The following SLC39A11 variants were observed in gnomAD, a reference collection of about 807,000 sequenced individuals.
The protein encoded by SLC39A11 is solute carrier family 39 member 11.
SLC39A11 carries 33 observed loss-of-function variants against 36.1 expected under a neutral mutation model. That is an observed-to-expected ratio of 0.91 (90% CI 0.69 to 1.22). The LOEUF is 1.22. Ranked by LOEUF, SLC39A11 falls within the 50% of genes most tolerant of loss-of-function variation. The pLI is 0.00. For missense variants in SLC39A11, 432 were observed against 430.3 expected (o/e 1.00, Z -0.03); for synonymous variants, 166 against 170.3 (o/e 0.97, Z 0.20).
intron 5 of SLC39A11, among the ~76,000 whole-genome samples, chr17:72,924,162 ATT>A (rs34723416): frequency 5.8e-5 from 7 of 120,564 alleles, no homozygotes; most frequent in African/African-American, 1.5e-4. Flanking sequence ...AAAAAAAAAA[ATT>A]TTTTTTTTTT....
intron 5 of SLC39A11, among the ~76,000 whole-genome samples, chr17:72,915,356 T>A (rs1446549600): frequency 6.6e-6 from 1 of 152,182 alleles, no homozygotes; most frequent in Non-Finnish European, 1.5e-5. Flanking sequence ...CTCGTTTTAA[T>A]GCTTTACCTA....
intron 5 of SLC39A11, among the ~76,000 whole-genome samples, chr17:72,852,359 A>G (rs2079395321): frequency 6.6e-6 from 1 of 152,114 alleles, no homozygotes; most frequent in Non-Finnish European, 1.5e-5. Flanking sequence ...TCTTACTAAC[A>G]GCTGAATCTC....
chr17:72,889,050 C>T (rs1289923359), intron 5 of SLC39A11, among the ~76,000 whole-genome samples: 1 of 152,166 alleles, frequency 6.6e-6, no homozygotes, highest in Non-Finnish European at 1.5e-5. Flanking sequence ...TAAACTCTGA[C>T]TCTGAATACA....
At chr17:72,889,551 T>A (rs1045630909) in intron 5 of SLC39A11, among the ~76,000 whole-genome samples, 1 of 146,800 alleles carries the variant, frequency 6.8e-6, no homozygotes. Context: ...AAAAAAAAAA[T>A]ACGTTAAATA....
chr17:73,068,791 C>T (rs1204763614), intron 3 of SLC39A11, among the ~76,000 whole-genome samples: 1 of 152,124 alleles, frequency 6.6e-6, no homozygotes, highest in East Asian at 1.9e-4. Flanking sequence ...CACCTAAGTG[C>T]AAGAACCTCC....
chr17:72,842,485 A>G (rs947725447), intron 6 of SLC39A11, among the ~76,000 whole-genome samples: 4 of 152,142 alleles, frequency 2.6e-5, no homozygotes, highest in African/African-American at 9.7e-5. Context: ...GGTGCAGTTC[A>G]CTGTTGAGAC....
intron 6 of SLC39A11, among the ~76,000 whole-genome samples, chr17:72,789,195 C>T (rs908654764): frequency 6.6e-6 from 1 of 152,086 alleles, no homozygotes; most frequent in Non-Finnish European, 1.5e-5. Context: ...CCACCATGTC[C>T]GGCTAATTTC....
intron 7 of SLC39A11, among the ~76,000 whole-genome samples, chr17:72,658,186 C>A (rs1039378788): frequency 6.6e-6 from 1 of 150,984 alleles, no homozygotes; most frequent in Admixed American, 6.6e-5. Flanking sequence ...GGGGGCTGGG[C>A]CCACAAGGGG....
rs529569137 is a variant in SLC39A11 at position 73,082,828 on chromosome 17, C to T, written c.147+1980G>A. Among the ~76,000 whole-genome samples the T allele has an allele frequency of 5.5e-4, 78 of 142,560 alleles. 1 individual carries two copies. Among genetic ancestry groups the T allele is most frequent in the African/African-American group, 1.7e-3 (66 of 38,064 alleles). The allele number at this position is 142,560 out of a possible 152,430, so 93.5% of individuals were successfully genotyped here. ...GAGTTCGAGACCAGCCTGGCCAACA[C>T]GGCAAAACCCCATCTCTACTAAAAC... On this transcript the variant is annotated intron_variant, in intron 3 of 9. Transcript: ENST00000255559.
At chr17:72,840,502 T>C (rs1173357968) in intron 6 of SLC39A11, among the ~76,000 whole-genome samples, 2 of 152,210 alleles carry the variant, frequency 1.3e-5, no homozygotes, top group Non-Finnish European at 2.9e-5. Context: ...CTCACACCTG[T>C]AATCCCAGCA....
chr17:73,079,596 T>C (rs990061042), intron 3 of SLC39A11, among the ~76,000 whole-genome samples: 1 of 152,108 alleles, frequency 6.6e-6, no homozygotes, highest in African/African-American at 2.4e-5. Context: ...AAGACAAGGA[T>C]ACCCACTTTC....
At chr17:72,665,275 G>A (rs1306022910) in intron 7 of SLC39A11, among the ~76,000 whole-genome samples, 1 of 151,694 alleles carries the variant, frequency 6.6e-6, no homozygotes, top group Non-Finnish European at 1.5e-5. Context: ...TCTCTTGATT[G>A]CCACCTCATG....
rs139421908 is a variant in SLC39A11, at chr17:72,744,599, G to GAAGT, written c.602-7884_602-7881dup. The stretch of plus-strand genomic sequence containing the variant: ...CTTCTTGCCCAGTTCTGGAGGCTGA[G>GAAGT]AAGTCTGAGATCAAGGTGGCCGCAG... On this transcript the variant is annotated intron_variant, in intron 6 of 9. Coordinates refer to ENST00000255559, the MANE Select transcript of SLC39A11 (RefSeq NM_139177.4). Among the ~76,000 whole-genome samples, 1,191 of 152,302 alleles carry GAAGT rather than the reference G, an allele frequency of 7.8e-3. 17 individuals carry two copies. Among genetic ancestry groups the GAAGT allele is most frequent in the East Asian group, 0.044 (230 of 5,174 alleles).
chr17:72,741,913 T>C (rs2074722145), intron 6 of SLC39A11, among the ~76,000 whole-genome samples: 1 of 152,010 alleles, frequency 6.6e-6, no homozygotes, highest in South Asian at 2.1e-4. Flanking sequence ...CAAGAATGAG[T>C]ACCCAGCCGG....
chr17:72,875,614 G>C (rs961300436), intron 5 of SLC39A11, among the ~76,000 whole-genome samples: 1 of 152,222 alleles, frequency 6.6e-6, no homozygotes, highest in Non-Finnish European at 1.5e-5. Context: ...GCGTGTGTCT[G>C]TCATCCTACA....
chr17:72,689,488 C>A (rs1254806425), intron 7 of SLC39A11, among the ~76,000 whole-genome samples: 1 of 152,312 alleles, frequency 6.6e-6, no homozygotes, highest in African/African-American at 2.4e-5. Flanking sequence ...TACACACTTG[C>A]ACACACCTGT....
At chr17:72,680,301 C>A (rs2071457588) in intron 7 of SLC39A11, among the ~76,000 whole-genome samples, 1 of 152,128 alleles carries the variant, frequency 6.6e-6, no homozygotes, top group South Asian at 2.1e-4. Flanking sequence ...CTCTATGGAT[C>A]TGCCCACTCA....
chr17:73,000,047 T>C (rs550123152), intron 4 of SLC39A11, among the ~76,000 whole-genome samples: 7 of 152,280 alleles, frequency 4.6e-5, no homozygotes, highest in Non-Finnish European at 1.0e-4. Context: ...ACCTGGCCGG[T>C]ATCCTGTATC....
intron 6 of SLC39A11, among the ~76,000 whole-genome samples, chr17:72,795,042 A>T (rs2076850038): frequency 6.6e-6 from 1 of 152,150 alleles, no homozygotes; most frequent in South Asian, 2.1e-4. Context: ...TGAAGTTATG[A>T]TAACATTTTC....
Sources: allele counts gnomAD v4.1 joint callset (sites outside exome capture counted in the v4.1 genomes callset), GRCh38; gene constraint gnomAD v4.1.1; transcripts MANE v1.5; gene names NCBI Gene and HGNC (gene_info 2026-07-23, HGNC 2026-07-21).